KALRN: variants seen among roughly 807,000 people sequenced by gnomAD.
KALRN encodes the protein kalirin.
In KALRN, 70 loss-of-function variants were observed where a neutral mutation model predicts 353.7. The observed-to-expected ratio is 0.20, with a 90% CI of 0.16 to 0.24. The LOEUF is 0.24. Among genes scored for constraint, KALRN ranks in the 10% least tolerant of loss-of-function variants. The pLI is 1.00. For missense variants in KALRN, 2,791 were observed against 3,756.7 expected, an observed-to-expected ratio of 0.74 and a Z score of 6.72; for synonymous variants, 1,391 against 1,434.8, an observed-to-expected ratio of 0.97 and a Z score of 0.69.
chr3:124,381,017 C>T (rs2087287395), intron 10 of KALRN, among the ~76,000 whole-genome samples: 1 of 152,114 alleles, frequency 6.6e-6, no homozygotes, highest in East Asian at 1.9e-4. Flanking sequence ...AGATGAAAGA[C>T]ATTATCTGCC....
chr3:124,270,930 C>G (rs559767183), intron 5 of KALRN, among the ~76,000 whole-genome samples: 1 of 147,736 alleles, frequency 6.8e-6, no homozygotes, highest in Admixed American at 6.9e-5. Flanking sequence ...CCCGGGTTCA[C>G]GCCATTCTCC....
chr3:124,240,553 A>G (rs953755123), intron 3 of KALRN, among the ~76,000 whole-genome samples: 6 of 152,086 alleles, frequency 3.9e-5, no homozygotes, highest in African/African-American at 9.7e-5. Context: ...CCACCAACAC[A>G]TGGTGACTCC....
At chr3:124,343,353 T>C (rs1333886035) in intron 9 of KALRN, among the ~76,000 whole-genome samples, 1 of 151,848 alleles carries the variant, frequency 6.6e-6, no homozygotes, top group Non-Finnish European at 1.5e-5. Flanking sequence ...AGAGACAGAG[T>C]TTTGCCATGT....
chr3:124,506,791 T>C (rs2065279823), intron 33 of KALRN, among the ~76,000 whole-genome samples: 1 of 152,262 alleles, frequency 6.6e-6, no homozygotes. Flanking sequence ...TGTTTGCTGT[T>C]CCTCATTTAC....
chr3:124,686,731 T>TA, intron 51 of KALRN, among the ~76,000 whole-genome samples: 1 of 151,784 alleles, frequency 6.6e-6, no homozygotes, highest in Non-Finnish European at 1.5e-5. Context: ...CAGTAGGTTT[T>TA]AAGCAGTCCA....
intron 5 of KALRN, among the ~76,000 whole-genome samples, chr3:124,279,445 T>C (rs2075117889): frequency 6.6e-6 from 1 of 152,268 alleles, no homozygotes. Flanking sequence ...AGTGGATAGA[T>C]GCCTGGGGAG....
chr3:124,042,848 G>A (rs2040091521), intron 1 of KALRN, among the ~76,000 whole-genome samples: 1 of 152,188 alleles, frequency 6.6e-6, no homozygotes, highest in Non-Finnish European at 1.5e-5. Context: ...GCCAGATCTG[G>A]AAATATAGAT....
At chr3:124,123,416 C>T (rs1005579135) in intron 1 of KALRN, among the ~76,000 whole-genome samples, 4 of 152,124 alleles carry the variant, frequency 2.6e-5, no homozygotes, top group Non-Finnish European at 5.9e-5. Flanking sequence ...AAGCCTAATC[C>T]ACAGCAAAGC....
intron 34 of KALRN, among the ~76,000 whole-genome samples, chr3:124,608,726 C>G (rs1365508186): frequency 1.3e-5 from 2 of 152,216 alleles, no homozygotes; most frequent in Non-Finnish European, 2.9e-5. Flanking sequence ...GAACACATAA[C>G]TGAATCTTCT....
At chr3:124,143,404 C>T (rs964062242) in intron 1 of KALRN, among the ~76,000 whole-genome samples, 3 of 152,242 alleles carry the variant, frequency 2.0e-5, no homozygotes, top group South Asian at 2.1e-4. Context: ...ACAGATTGCT[C>T]TTTTTGATGA....
At chr3:124,142,914 C>T (rs2066813784) in intron 1 of KALRN, among the ~76,000 whole-genome samples, 1 of 152,104 alleles carries the variant, frequency 6.6e-6, no homozygotes, top group Non-Finnish European at 1.5e-5. Flanking sequence ...TCAGGGGATG[C>T]TATCACCCCA....
intron 1 of KALRN, among the ~76,000 whole-genome samples, chr3:124,184,748 T>C: frequency 6.6e-6 from 1 of 152,224 alleles, no homozygotes; most frequent in East Asian, 1.9e-4. Context: ...GCTGGAACTA[T>C]GTATCTTCCA....
rs1023124091 is a variant in KALRN, at chr3:124,214,876, T to A, written c.74-13114T>A. On this transcript the variant is annotated intron_variant, in intron 1 of 59. Coordinates refer to ENST00000682506, the MANE Select transcript of KALRN (RefSeq NM_001388419.1). The stretch of plus-strand genomic sequence containing the variant: ...CTAAGAAAAAGACTCACAGGTCACT[T>A]ACTCTCCCCAGACCTCTCTCCACAG... 2.5e-4 allele frequency among the ~76,000 whole-genome samples: 38 copies of A among 152,186 alleles called. 1 individual carries two copies. Among genetic ancestry groups the A allele is most frequent in the African/African-American group, 9.2e-4 (38 of 41,446 alleles).
At chr3:124,555,985 C>G (rs1297320254) in intron 33 of KALRN, among the ~76,000 whole-genome samples, 39 of 152,126 alleles carry the variant, frequency 2.6e-4, no homozygotes, top group Admixed American at 2.6e-3. Flanking sequence ...AATATTAAAA[C>G]TGGAAGCAGC....
At chr3:124,234,983 G>T in intron 3 of KALRN, 40 bp downstream of exon 3, 1 of 1,453,680 alleles carries the variant, frequency 6.9e-7, no homozygotes, top group Non-Finnish European at 9.5e-7. Context: ...AGCGGGAGGG[G>T]AGCTGGGCTG....
intron 33 of KALRN, among the ~76,000 whole-genome samples, chr3:124,529,760 C>A (rs2067884603): frequency 6.7e-6 from 1 of 149,362 alleles, no homozygotes; most frequent in Non-Finnish European, 1.5e-5. Context: ...CCCTGTAGAT[C>A]ATTTCTAATT....
chr3:124,585,612 A>G (rs954858016), intron 34 of KALRN, among the ~76,000 whole-genome samples: 1 of 152,186 alleles, frequency 6.6e-6, no homozygotes, highest in Non-Finnish European at 1.5e-5. Context: ...GAAGGATCAC[A>G]GAGGGAGGGT....
chr3:124,645,678 G>A (rs1037787116), intron 37 of KALRN, among the ~76,000 whole-genome samples: 1 of 151,464 alleles, frequency 6.6e-6, no homozygotes, highest in South Asian at 2.1e-4. Context: ...GTGTGTGTGT[G>A]TATCACAGTT....
intron 21 of KALRN, 146 bp from the exon 22 acceptor site, chr3:124,455,031 C>G: frequency 1.3e-6 from 1 of 741,610 alleles, no homozygotes; most frequent in Non-Finnish European, 2.2e-6. Context: ...CGAGATCTCC[C>G]AGTTAGTAGT....
Sources: allele counts gnomAD v4.1 joint callset (sites outside exome capture counted in the v4.1 genomes callset), GRCh38; gene constraint gnomAD v4.1.1; transcripts MANE v1.5; gene names NCBI Gene and HGNC (gene_info 2026-07-23, HGNC 2026-07-21).